CSMD1: variants seen among roughly 807,000 people sequenced by gnomAD.
CSMD1 encodes the protein CUB and sushi domain-containing protein 1.
A neutral mutation model predicts 417.5 loss-of-function variants in CSMD1; 213 were observed. The observed-to-expected ratio is 0.51, with a 90% CI of 0.46 to 0.57. The LOEUF (loss-of-function observed/expected upper bound fraction) is 0.57, where lower values mean the gene tolerates loss of function less well. CSMD1 is among the 20% of genes least tolerant of loss of function. The pLI is 0.00. For synonymous variants in CSMD1, 2,862 were observed against 1,736.8 expected (o/e 1.65, Z -16.11); for missense variants, 6,923 against 4,529.7 (o/e 1.53, Z -15.17).
At chr8:3,290,697 G>C (rs1432234219) in intron 25 of CSMD1, among the ~76,000 whole-genome samples, 1 of 147,362 alleles carries the variant, frequency 6.8e-6, no homozygotes, top group Non-Finnish European at 1.5e-5. Context: ...CTTTGCTGAA[G>C]TTGCTTATCA....
chr8:4,524,419 A>G (rs1796400026), intron 2 of CSMD1, among the ~76,000 whole-genome samples: 1 of 152,158 alleles, frequency 6.6e-6, no homozygotes, highest in African/African-American at 2.4e-5. Context: ...TCAAGAGTTG[A>G]TTTCTGCACA....
intron 2 of CSMD1, among the ~76,000 whole-genome samples, chr8:4,481,518 T>C (rs1333684229): frequency 1.3e-5 from 2 of 152,208 alleles, no homozygotes; most frequent in African/African-American, 4.8e-5. Flanking sequence ...TCATTTGCTG[T>C]TTTAAAGATA....
chr8:4,082,508 G>A (rs961120981), intron 3 of CSMD1, among the ~76,000 whole-genome samples: 1 of 151,920 alleles, frequency 6.6e-6, no homozygotes, highest in Admixed American at 6.6e-5. Context: ...GTCTGTCAAA[G>A]ACCTAAAAAA....
intron 2 of CSMD1, among the ~76,000 whole-genome samples, chr8:4,530,105 G>A (rs1005144695): frequency 6.6e-6 from 1 of 151,406 alleles, no homozygotes; most frequent in Non-Finnish European, 1.5e-5. Context: ...AGTAGATACG[G>A]GGTTTCACCG....
rs144357414 is a variant in CSMD1, at chr8:4,088,385, C to T, written c.416-56286G>A. ...AACGTCTTACTTTTGCGGGAAAGAG[C>T]TTTGTCGGTAACACCTTTTCTCAGG... On this transcript the variant is annotated intron_variant, in intron 3 of 69. Transcript: ENST00000635120. Among the ~76,000 whole-genome samples, 3 of 152,340 alleles carry T rather than the reference C, an allele frequency of 2.0e-5. No individual in the cohort carries two copies. The East Asian group carries it at 5.8e-4, about 29-fold the overall frequency.
intron 3 of CSMD1, among the ~76,000 whole-genome samples, chr8:4,373,728 G>A (rs1001262868): frequency 3.3e-5 from 5 of 152,018 alleles, no homozygotes; most frequent in Non-Finnish European, 5.9e-5. Context: ...CTTTCCCTCC[G>A]GGGAAGGAAC....
intron 2 of CSMD1, among the ~76,000 whole-genome samples, chr8:4,496,707 C>T (rs531462859): frequency 6.6e-6 from 1 of 152,206 alleles, no homozygotes; most frequent in East Asian, 1.9e-4. Flanking sequence ...CACTTGCATT[C>T]AATCATCAGC....
In CSMD1 at chr8:3,788,471, T is replaced by G. The variant is rs112649852; in HGVS notation, c.819-34429A>C. Among the ~76,000 whole-genome samples, 749 of 152,224 alleles carry G rather than the reference T, an allele frequency of 4.9e-3. 7 individuals carry two copies. Among genetic ancestry groups the G allele is most frequent in the African/African-American group, 0.017 (705 of 41,528 alleles). On this transcript the variant is annotated intron_variant, in intron 5 of 69. Coordinates refer to ENST00000635120, the MANE Select transcript of CSMD1 (RefSeq NM_033225.6). The stretch of plus-strand genomic sequence containing the variant: ...TAAGAGGCAGAAATCAAAATAGAAC[T>G]GGGGAATTCTTTCCTACTTAAGAAC...
chr8:3,317,829 G>C (rs183426133), intron 23 of CSMD1, among the ~76,000 whole-genome samples: 1 of 152,164 alleles, frequency 6.6e-6, no homozygotes, highest in African/African-American at 2.4e-5. Context: ...GTTATTTTTT[G>C]AGACAAGGTC....
intron 2 of CSMD1, among the ~76,000 whole-genome samples, chr8:4,481,224 C>A (rs1801081758): frequency 6.6e-6 from 1 of 152,230 alleles, no homozygotes; most frequent in South Asian, 2.1e-4. Flanking sequence ...TATCAGCAGA[C>A]CTAAGAGTCC....
At chr8:3,441,292 G>T (rs2173585) in intron 12 of CSMD1, among the ~76,000 whole-genome samples, 2 of 151,862 alleles carry the variant, frequency 1.3e-5, no homozygotes, top group African/African-American at 4.8e-5. Context: ...TTTTCAAACA[G>T]TACATTTGTG....
chr8:3,647,333 G>A (rs1029292113), intron 7 of CSMD1, among the ~76,000 whole-genome samples: 3 of 152,146 alleles, frequency 2.0e-5, no homozygotes, highest in Non-Finnish European at 4.4e-5. Flanking sequence ...CAGGAGAGAG[G>A]TAAATATGGC....
chr8:4,636,499 A>G (rs1224619414), intron 2 of CSMD1, among the ~76,000 whole-genome samples: 2 of 152,178 alleles, frequency 1.3e-5, no homozygotes, highest in South Asian at 2.1e-4. Context: ...TTCACTGAAT[A>G]TATTCTCTGA....
At chr8:4,058,659 A>G (rs1713630863) in intron 3 of CSMD1, among the ~76,000 whole-genome samples, 1 of 148,118 alleles carries the variant, frequency 6.8e-6, no homozygotes, top group South Asian at 2.2e-4. Context: ...CTGATAAAAC[A>G]GACTTTAAAC....
At chr8:3,491,114 C>T (rs1446341135) in intron 11 of CSMD1, among the ~76,000 whole-genome samples, 1 of 152,126 alleles carries the variant, frequency 6.6e-6, no homozygotes, top group African/African-American at 2.4e-5. Flanking sequence ...CACTTCACAG[C>T]TGCTTATAGA....
At chr8:4,177,137 GCACCA>G (rs1414588334) in intron 3 of CSMD1, among the ~76,000 whole-genome samples, 1 of 152,088 alleles carries the variant, frequency 6.6e-6, no homozygotes, top group Non-Finnish European at 1.5e-5. Context: ...ATGTTTTTCA[GCACCA>G]CACCACACCT....
At chr8:3,860,465 G>C (rs2129105425) in intron 5 of CSMD1, among the ~76,000 whole-genome samples, 2 of 152,172 alleles carry the variant, frequency 1.3e-5, no homozygotes, top group Middle Eastern at 6.8e-3. Context: ...GTAGGAGTTT[G>C]CTAATATAGT....
At chr8:4,020,604 G>T (rs1002944206) in intron 4 of CSMD1, among the ~76,000 whole-genome samples, 6 of 152,278 alleles carry the variant, frequency 3.9e-5, no homozygotes, top group African/African-American at 1.4e-4. Context: ...TATGGTAAGA[G>T]ATCAAAACTG....
intron 3 of CSMD1, among the ~76,000 whole-genome samples, chr8:4,105,237 C>A (rs1334268626): frequency 6.6e-6 from 1 of 152,110 alleles, no homozygotes; most frequent in Non-Finnish European, 1.5e-5. Flanking sequence ...TCAAAGGAAA[C>A]CCTAAATATT....
Sources: gnomAD v4.1 joint callset for allele counts (sites outside exome capture counted in the v4.1 genomes callset) on GRCh38, gnomAD v4.1.1 for gene constraint, MANE v1.5 for transcripts, NCBI Gene and HGNC (gene_info 2026-07-23, HGNC 2026-07-21) for gene names.